PCSK6: variants seen among roughly 807,000 people sequenced by gnomAD.
PCSK6 encodes paired basic amino acid cleaving enzyme 4.
In PCSK6, 85 loss-of-function variants were observed where a neutral mutation model predicts 123.3. The observed-to-expected ratio is 0.69, with a 90% CI of 0.58 to 0.83. PCSK6 has a LOEUF of 0.83. Ranked by LOEUF, PCSK6 falls within the 40% of genes least tolerant of loss-of-function variation. PCSK6 has a pLI of 0.00. For missense variants in PCSK6, 1,191 were observed against 1,282.3 expected, an observed-to-expected ratio of 0.93 and a Z score of 1.09; for synonymous variants, 508 against 516.0, an observed-to-expected ratio of 0.98 and a Z score of 0.21.
In PCSK6 at chr15:101,324,834, C is replaced by G. The variant is rs369798712; in HGVS notation, c.2377+16G>C. 2 of 1,603,104 alleles carry G rather than the reference C, an allele frequency of 1.2e-6. No homozygotes were observed. Among genetic ancestry groups the G allele is most frequent in the African/African-American group, 2.7e-5 (2 of 74,796 alleles). On this transcript the variant is annotated intron_variant, in intron 17 of 21. Coordinates refer to ENST00000611716, the MANE Select transcript of PCSK6 (RefSeq NM_002570.5). ...GCTGGCTCATCAGTTCTTGTACCCA[C>G]AAACAAGCCACTTACTTTCATCAGC...
At chr15:101,355,630 T>C (rs1020615459) in intron 13 of PCSK6, among the ~76,000 whole-genome samples, 3 of 152,244 alleles carry the variant, frequency 2.0e-5, no homozygotes, top group Non-Finnish European at 4.4e-5. Flanking sequence ...AAGGTAAGTG[T>C]GTGCTGCATG....
chr15:101,405,379 C>T (rs1333662925), intron 6 of PCSK6, among the ~76,000 whole-genome samples: 4 of 152,172 alleles, frequency 2.6e-5, no homozygotes, highest in Non-Finnish European at 4.4e-5. Context: ...CCCGCCTGCC[C>T]AGTCCACTCT....
At chr15:101,461,264 C>A (rs763561806) in intron 1 of PCSK6, among the ~76,000 whole-genome samples, 1 of 152,094 alleles carries the variant, frequency 6.6e-6, no homozygotes, top group Admixed American at 6.6e-5. Context: ...AAAACACAGA[C>A]CACATTAAAA....
intron 1 of PCSK6, among the ~76,000 whole-genome samples, chr15:101,447,310 C>T (rs2141164293): frequency 6.6e-6 from 1 of 152,208 alleles, no homozygotes; most frequent in Admixed American, 6.5e-5. Context: ...GGGATGTGGC[C>T]ACTGGCCTGG....
At chr15:101,311,328 T>C (rs1358749008) in intron 20 of PCSK6, among the ~76,000 whole-genome samples, 9 of 149,978 alleles carry the variant, frequency 6.0e-5, no homozygotes, top group East Asian at 2.0e-4. Flanking sequence ...GGTTTTGCCA[T>C]GTTGGCCAGG....
At chr15:101,348,531 A>T (rs921809148) in intron 13 of PCSK6, among the ~76,000 whole-genome samples, 1 of 152,220 alleles carries the variant, frequency 6.6e-6, no homozygotes, top group African/African-American at 2.4e-5. Context: ...ACAGAATTCG[A>T]TATGTAACTG....
intron 7 of PCSK6, among the ~76,000 whole-genome samples, chr15:101,394,339 T>C (rs2042337633): frequency 6.6e-6 from 1 of 152,100 alleles, no homozygotes; most frequent in South Asian, 2.1e-4. Context: ...CAGCAGCCAG[T>C]CAGGGCAGAT....
intron 12 of PCSK6, among the ~76,000 whole-genome samples, chr15:101,368,140 T>C (rs564940977): frequency 2.1e-4 from 32 of 152,322 alleles, no homozygotes; most frequent in Admixed American, 8.5e-4. Flanking sequence ...AAATGCCTGA[T>C]GGCGCAAGGA....
intron 1 of PCSK6, among the ~76,000 whole-genome samples, chr15:101,450,658 C>T (rs576554850): frequency 2.6e-5 from 4 of 152,312 alleles, no homozygotes; most frequent in African/African-American, 9.6e-5. Flanking sequence ...AGGTCTCCCC[C>T]CATCCCATCT....
intron 13 of PCSK6, among the ~76,000 whole-genome samples, chr15:101,339,077 C>T (rs1270395237): frequency 6.6e-6 from 1 of 152,192 alleles, no homozygotes; most frequent in Non-Finnish European, 1.5e-5. Context: ...AATAATGAAG[C>T]TTTCCTATGC....
chr15:101,323,066 G>A (rs947564476), intron 17 of PCSK6, among the ~76,000 whole-genome samples: 43 of 152,192 alleles, frequency 2.8e-4, no homozygotes, highest in Admixed American at 2.5e-3. Context: ...GCGAGTCATC[G>A]TGCCTCTTGG....
chr15:101,442,378 AC>A (rs1299114423), intron 2 of PCSK6, among the ~76,000 whole-genome samples: 12 of 152,174 alleles, frequency 7.9e-5, no homozygotes, highest in African/African-American at 2.9e-4. Flanking sequence ...TATATTCAAG[AC>A]AAGTCTGTCT....
chr15:101,328,846 A>G (rs1947942), intron 15 of PCSK6, among the ~76,000 whole-genome samples: 25,526 of 152,160 alleles, frequency 0.17, 2,423 homozygotes, highest in Admixed American at 0.27. Context: ...TTAAAAGCCA[A>G]ATATCCAGGT....
At chr15:101,325,635 T>C (rs1013517941) in intron 16 of PCSK6, among the ~76,000 whole-genome samples, 1 of 152,112 alleles carries the variant, frequency 6.6e-6, no homozygotes, top group African/African-American at 2.4e-5. Flanking sequence ...ATGCGGGGCA[T>C]AATGGGTGCT....
At position 101,431,988 on chromosome 15, in the gene PCSK6, A is replaced by G; in HGVS notation, c.513+2T>C. 1 of 1,606,584 alleles carries G rather than the reference A, an allele frequency of 6.2e-7. No individual in the cohort carries two copies. The highest frequency in any genetic ancestry group is 8.5e-7 in the Non-Finnish European group (1 of 1,173,976). The stretch of plus-strand genomic sequence containing the variant: ...GGCAGACAGAGGTCCTGTCCTACTC[A>G]CCAGGTACCACATGTTGGACCAAAT... On this transcript the variant is annotated splice_donor_variant, in intron 3 of 21. Transcript: ENST00000611716. LOFTEE classifies it high-confidence loss of function.
intron 11 of PCSK6, among the ~76,000 whole-genome samples, chr15:101,375,975 A>G (rs1354331529): frequency 6.6e-6 from 1 of 152,188 alleles, no homozygotes; most frequent in Non-Finnish European, 1.5e-5. Flanking sequence ...TGGAGGTTGC[A>G]GTGAGCCGAG....
intron 6 of PCSK6, among the ~76,000 whole-genome samples, chr15:101,418,400 A>G (rs900907904): frequency 6.6e-6 from 1 of 152,248 alleles, no homozygotes; most frequent in African/African-American, 2.4e-5. Context: ...TCCATTTTAT[A>G]AATGAAGTTG....
Position 101,415,861 on chromosome 15 carries a change from G to A in PCSK6, c.823+12031C>T, listed in dbSNP as rs187917920. Among the ~76,000 whole-genome samples, 930 of 152,204 alleles carry A rather than the reference G, an allele frequency of 6.1e-3. 7 individuals are homozygous for A. The highest frequency in any genetic ancestry group is 0.026 in the South Asian group (123 of 4,804). On this transcript the variant is annotated intron_variant, in intron 6 of 21. Coordinates refer to ENST00000611716, the MANE Select transcript of PCSK6 (RefSeq NM_002570.5). ...CACCACCATATAAGAAGTGGCTTTC[G>A]CCTCCCACCATGATTCTGAGGCCTT...
intron 12 of PCSK6, among the ~76,000 whole-genome samples, chr15:101,366,784 C>T (rs1169198723): frequency 1.3e-5 from 2 of 152,204 alleles, no homozygotes; most frequent in African/African-American, 4.8e-5. Flanking sequence ...TTCACCGAAG[C>T]CCAGAGAGTG....
Sources: gnomAD v4.1 joint callset for allele counts (sites outside exome capture counted in the v4.1 genomes callset) on GRCh38, gnomAD v4.1.1 for gene constraint, MANE v1.5 for transcripts, NCBI Gene and HGNC (gene_info 2026-07-23, HGNC 2026-07-21) for gene names.